Variants in LONRF3 observed in about 807,000 individuals in gnomAD.
LONRF3 encodes LON peptidase N-terminal domain and RING finger protein 3.
LONRF3 carries 19 observed loss-of-function variants against 51.7 expected under a neutral mutation model. That is an observed-to-expected ratio of 0.37 (90% CI 0.26 to 0.54). The LOEUF (loss-of-function observed/expected upper bound fraction) is 0.54, where lower values mean the gene tolerates loss of function less well. Among genes scored for constraint, LONRF3 ranks in the 20% least tolerant of loss-of-function variants. LONRF3 has a pLI of 0.86. For missense variants in LONRF3, 521 were observed against 623.9 expected (o/e 0.84, Z 1.76); for synonymous variants, 265 against 257.8 (o/e 1.03, Z -0.27).
At chrX:119,006,807 C>T (rs1281072504) in intron 6 of LONRF3, among the ~76,000 whole-genome samples, 1 of 111,767 alleles carries the variant, frequency 8.9e-6, no homozygotes, top group African/African-American at 3.3e-5. Context: ...CCAGGATGAT[C>T]TGGATCTCCT....
chrX:118,986,699 G>A (rs1417084649), intron 3 of LONRF3, among the ~76,000 whole-genome samples: 8 of 111,600 alleles, frequency 7.2e-5, no homozygotes, highest in Non-Finnish European at 3.8e-5. Flanking sequence ...GGGGGAGATG[G>A]GAGTACAAAG....
chrX:119,018,060 A>C lies in LONRF3; in HGVS notation c.*370A>C, dbSNP rs1925573380. The stretch of plus-strand genomic sequence containing the variant: ...GTTGAAATGTGAAAACAAAGATACT[A>C]ATAATGTTGCTGTATAATTTCACTG... On this transcript the variant is annotated 3_prime_UTR_variant, in exon 11 of 11. Transcript: ENST00000371628. 2 of 121,638 alleles carry C rather than the reference A, an allele frequency of 1.6e-5. No homozygotes were observed. The highest frequency in any genetic ancestry group is 3.2e-5 in the African/African-American group (1 of 31,438). The allele number at this position is 121,638 out of a possible 1,213,427, so 10.0% of individuals were successfully genotyped here.
At chrX:118,977,593 G>A (rs937401476) in intron 1 of LONRF3, among the ~76,000 whole-genome samples, 2 of 112,297 alleles carry the variant, frequency 1.8e-5, no homozygotes, top group Non-Finnish European at 3.8e-5. Flanking sequence ...ATCAGTGACT[G>A]CCCAGCTAGC....
chrX:118,989,777 T>A, intron 4 of LONRF3, 105 bp downstream of exon 4: 1 of 883,239 alleles, frequency 1.1e-6, no homozygotes, highest in Non-Finnish European at 1.6e-6. Context: ...GCTCTGGGTG[T>A]GGGGCCCAGC....
intron 6 of LONRF3, among the ~76,000 whole-genome samples, chrX:119,006,486 C>T (rs1459156638): frequency 2.8e-5 from 3 of 108,895 alleles, no homozygotes; most frequent in Non-Finnish European, 5.7e-5. Flanking sequence ...CTGCAACCTC[C>T]GCCTCCTGGG....
chrX:119,001,388 C>T (rs1217128291), intron 5 of LONRF3, among the ~76,000 whole-genome samples: 3 of 112,268 alleles, frequency 2.7e-5, no homozygotes, highest in Non-Finnish European at 3.8e-5. Flanking sequence ...CAAAGCCCTG[C>T]TACTTACCAG....
chrX:118,989,472 G>C lies in LONRF3; in HGVS notation c.1124G>C (p.Ser375Thr), dbSNP rs1345251045. Reference protein sequence around the residue: ...EEAAARGDGSSLMDPAKVKGD... With the variant: ...EEAAARGDGSTLMDPAKVKGD... ...GCAGCAGCCAGGGGAGATGGCAGCAGTCTGATGGACCCAGCTAAAGTGAAG... is the reference window on the plus strand; with the variant it reads ...GCAGCAGCCAGGGGAGATGGCAGCACTCTGATGGACCCAGCTAAAGTGAAG... Residue 375 changes from serine to threonine, a missense_variant, in exon 4 of 11, where the codon AGT becomes ACT. This residue lies in a region of LONRF3 where 376 missense variants were observed against 376.7 expected (regional missense o/e 1.00). Transcript: ENST00000371628. 8.3e-7 allele frequency: 1 copy of C among 1,211,549 alleles called. No homozygotes were observed. Among genetic ancestry groups the C allele is most frequent in the Non-Finnish European group, 1.1e-6 (1 of 895,367 alleles).
chrX:119,002,758 G>A (rs1057015237), intron 5 of LONRF3, among the ~76,000 whole-genome samples: 4 of 111,159 alleles, frequency 3.6e-5, no homozygotes, highest in Non-Finnish European at 5.7e-5. Context: ...CCCTCTTAAT[G>A]ACATTTTTTG....
At chrX:118,987,503 A>G (rs1923098371) in intron 3 of LONRF3, among the ~76,000 whole-genome samples, 1 of 70,630 alleles carries the variant, frequency 1.4e-5, no homozygotes, top group South Asian at 1.0e-3. Flanking sequence ...ATTTTTGCCT[A>G]GGCTGGTCTC....
chrX:118,989,114 A>G (rs994858721), intron 3 of LONRF3, among the ~76,000 whole-genome samples: 1 of 111,030 alleles, frequency 9.0e-6, no homozygotes, highest in African/African-American at 3.3e-5. Flanking sequence ...TATCCCTGGC[A>G]TTTCCCCTTT....
chrX:118,997,950 A>G (rs764051453), intron 5 of LONRF3, among the ~76,000 whole-genome samples: 2 of 112,685 alleles, frequency 1.8e-5, no homozygotes, highest in South Asian at 7.4e-4. Flanking sequence ...AAGAATGGCC[A>G]TAATAAAAAA....
In LONRF3 at chrX:118,978,295, TGCTTGC is replaced by T. The variant is rs748775920; in HGVS notation, c.818-46_818-41del. On this transcript the variant is annotated intron_variant, in intron 1 of 10. Coordinates refer to ENST00000371628, the MANE Select transcript of LONRF3 (RefSeq NM_001031855.3). The stretch of plus-strand genomic sequence containing the variant: ...CCATACTCATACAGGACTTAACACC[TGCTTGC>T]GCTGGGGGCCATTAATAAAGGTTTT... 1.1e-3 allele frequency: 904 copies of T among 834,563 alleles called. 7 individuals carry two copies. In the South Asian group the frequency reaches 0.018, roughly 17 times the overall value. The allele number at this position is 834,563 out of a possible 1,213,427, so 68.8% of individuals were successfully genotyped here.
intron 2 of LONRF3, among the ~76,000 whole-genome samples, chrX:118,979,450 T>C (rs1922384046): frequency 9.0e-6 from 1 of 111,020 alleles, no homozygotes; most frequent in Middle Eastern, 4.6e-3. Context: ...TGTGCCACCA[T>C]GCCCGGCTAA....
At chrX:118,995,625 C>A (rs1222389592) in intron 5 of LONRF3, among the ~76,000 whole-genome samples, 1 of 111,734 alleles carries the variant, frequency 8.9e-6, no homozygotes, top group Non-Finnish European at 1.9e-5. Context: ...AGAGAAAATT[C>A]AAAAAACCTC....
intron 5 of LONRF3, among the ~76,000 whole-genome samples, chrX:119,001,161 T>A (rs942969575): frequency 3.6e-5 from 4 of 111,665 alleles, no homozygotes; most frequent in African/African-American, 6.5e-5. Context: ...TTACCTAAAG[T>A]GGTAAAAAAA....
intron 3 of LONRF3, among the ~76,000 whole-genome samples, chrX:118,986,374 G>A (rs1049832613): frequency 2.7e-5 from 3 of 111,679 alleles, no homozygotes; most frequent in Non-Finnish European, 5.6e-5. Flanking sequence ...GCTTTGAAGG[G>A]ATTAAAGATC....
At chrX:119,013,325 C>A in intron 9 of LONRF3, 124 bp downstream of exon 9, 1 of 705,371 alleles carries the variant, frequency 1.4e-6, no homozygotes, top group South Asian at 2.9e-5. Flanking sequence ...CAAATTGCTG[C>A]AGCAACATTG....
chrX:118,987,598 C>A (rs1923105843), intron 3 of LONRF3, among the ~76,000 whole-genome samples: 1 of 108,996 alleles, frequency 9.2e-6, no homozygotes, highest in Non-Finnish European at 1.9e-5. Context: ...TTAGATCCAG[C>A]CGAGAGAGAT....
At chrX:118,994,894 G>A (rs1434424715) in intron 5 of LONRF3, among the ~76,000 whole-genome samples, 1 of 112,046 alleles carries the variant, frequency 8.9e-6, no homozygotes, top group East Asian at 2.8e-4. Context: ...AATAGTGAGG[G>A]ACTTCAGTAC....
Sources: allele counts gnomAD v4.1 joint callset (sites outside exome capture counted in the v4.1 genomes callset), GRCh38; gene constraint gnomAD v4.1.1; regional missense constraint gnomAD v4.1.1; transcripts MANE v1.5; gene names NCBI Gene and HGNC (gene_info 2026-07-23, HGNC 2026-07-21).